The following DNAJC16 variants were observed in gnomAD, a reference collection of about 807,000 sequenced individuals.
DNAJC16 encodes dnaJ homolog subfamily C member 16.
DNAJC16 carries 76 observed loss-of-function variants against 92.7 expected under a neutral mutation model. The observed-to-expected ratio is 0.82, with a 90% CI of 0.68 to 0.99. The LOEUF is 0.99. Ranked by LOEUF, DNAJC16 falls within the 50% of genes least tolerant of loss-of-function variation. The probability of loss-of-function intolerance (pLI) is 0.00; values close to 1 mark genes in which losing one functional copy is unlikely to be tolerated. For missense variants in DNAJC16, 869 were observed against 942.4 expected, an observed-to-expected ratio of 0.92 and a Z score of 1.02; for synonymous variants, 328 against 358.7, an observed-to-expected ratio of 0.91 and a Z score of 0.97.
intron 2 of DNAJC16, 53 bp downstream of exon 2, chr1:15,529,325 G>T: frequency 6.6e-7 from 1 of 1,509,548 alleles, no homozygotes; most frequent in Non-Finnish European, 9.0e-7. Flanking sequence ...GTCTTAGCAG[G>T]GATGAAGTCT....
In DNAJC16 at chr1:15,536,769, A is replaced by G. The variant is rs1229346484; in HGVS notation, c.529A>G (p.Ile177Val). The G allele has an allele frequency of 6.2e-7, 1 of 1,612,654 alleles. No homozygotes were observed. Among genetic ancestry groups the G allele is most frequent in the Non-Finnish European group, 8.5e-7 (1 of 1,179,562 alleles). ...TSDWCFSCIH[I>V]EPVWKEVIQE... ...CGATTGGTGCTTTAGCTGCATTCAT[A>G]TCGAGCCTGTGTGGAAAGAAGTCAT... The change falls in exon 4 of 15, where the codon ATC becomes GTC. Residue 177 changes from isoleucine to valine, a missense_variant. Ile to Val is a conservative substitution (Grantham distance 29). Coordinates refer to ENST00000375847, the MANE Select transcript of DNAJC16 (RefSeq NM_015291.4).
chr1:15,545,999 T>A (rs1015231231), intron 5 of DNAJC16, among the ~76,000 whole-genome samples: 13 of 152,178 alleles, frequency 8.5e-5, no homozygotes, highest in Admixed American at 2.6e-4. Flanking sequence ...TATTTTTATT[T>A]ACGCCGTTTA....
At chr1:15,538,841 CTG>C (rs1710857008) in intron 4 of DNAJC16, among the ~76,000 whole-genome samples, 2 of 152,180 alleles carry the variant, frequency 1.3e-5, no homozygotes, top group Non-Finnish European at 2.9e-5. Context: ...TGCTTTAGCT[CTG>C]TGTTCTTGAT....
chr1:15,543,023 A>G (rs987412846), intron 4 of DNAJC16, among the ~76,000 whole-genome samples: 6 of 152,248 alleles, frequency 3.9e-5, no homozygotes, highest in Non-Finnish European at 5.9e-5. Context: ...GTGCAACAAT[A>G]AATGAATTAA....
chr1:15,534,400 C>T (rs1416250393), intron 3 of DNAJC16, 97 bp downstream of exon 3: 6 of 1,248,346 alleles, frequency 4.8e-6, no homozygotes, highest in Non-Finnish European at 6.9e-6. Context: ...GTCATGTTCC[C>T]CATGCCCTTG....
intron 6 of DNAJC16, 22 bp from the exon 7 acceptor site, chr1:15,548,248 C>T (rs191405613): frequency 6.2e-7 from 1 of 1,604,702 alleles, no homozygotes; most frequent in East Asian, 2.2e-5. Context: ...TTATTTTCTT[C>T]CTCTCTATTA....
At chr1:15,561,922 TAAAG>T (rs1638701179) in intron 8 of DNAJC16, among the ~76,000 whole-genome samples, 1 of 152,114 alleles carries the variant, frequency 6.6e-6, no homozygotes, top group Non-Finnish European at 1.5e-5. Context: ...GTAAATGTGG[TAAAG>T]AAGTTTGGTT....
At chr1:15,541,980 C>T (rs1710941381) in intron 4 of DNAJC16, among the ~76,000 whole-genome samples, 1 of 152,124 alleles carries the variant, frequency 6.6e-6, no homozygotes, top group Admixed American at 6.5e-5. Context: ...ATGGGAGCAT[C>T]TTTTGTTCTA....
rs1638924374 is a variant in DNAJC16 at position 15,570,539 on chromosome 1, C to T, written c.*2362C>T. 1 of 152,090 alleles carries T rather than the reference C, an allele frequency of 6.6e-6. No homozygotes were observed. The highest frequency in any genetic ancestry group is 1.5e-5 in the Non-Finnish European group (1 of 68,028). 9.4% of individuals were successfully genotyped at this position (152,090 alleles called of 1,614,324 possible). ...TCATTTTTAAACATTTTTATCTCTT[C>T]AAGTCATCTTTTGATCTTTTAAAAA... On this transcript the variant is annotated 3_prime_UTR_variant, in exon 15 of 15. Coordinates refer to ENST00000375847, the MANE Select transcript of DNAJC16 (RefSeq NM_015291.4).
chr1:15,540,558 C>G (rs1178450356), intron 4 of DNAJC16, among the ~76,000 whole-genome samples: 2 of 152,096 alleles, frequency 1.3e-5, no homozygotes, highest in African/African-American at 4.8e-5. Context: ...CCTGGGACTT[C>G]ACCTCTCCAT....
Position 15,568,008 on chromosome 1 carries a change from G to T in DNAJC16, c.2180G>T (p.Ser727Ile). 1 of 1,614,254 alleles carries T rather than the reference G, an allele frequency of 6.2e-7. No homozygotes were observed. The highest frequency in any genetic ancestry group is 1.7e-5 in the Admixed American group (1 of 60,028). The change falls in exon 15 of 15, where the codon AGT becomes ATT. Residue 727 changes from serine (S) to isoleucine (I), a missense_variant. Transcript: ENST00000375847. ...GAGGAGGAAGCCATAGGGTCGTGCAGTGATGTTGACTCTTCCCTCTACCTG... is the reference window on the plus strand; with the variant it reads ...GAGGAGGAAGCCATAGGGTCGTGCATTGATGTTGACTCTTCCCTCTACCTG... ...VEEEEAIGSC[S>I]DVDSSLYLGE...
chr1:15,568,115 G>A lies in DNAJC16; in HGVS notation c.2287G>A (p.Glu763Lys), dbSNP rs1638862118. ...GTTGAGCAAGCTCTCTTTATGGATGGAACGCCTGCTGGAGGGCTCCTTACA... is the reference window on the plus strand; with the variant it reads ...GTTGAGCAAGCTCTCTTTATGGATGAAACGCCTGCTGGAGGGCTCCTTACA... ...GKLSKLSLWM[E>K]RLLEGSLQRF... The change falls in exon 15 of 15, where the codon GAA (glutamate) becomes AAA (lysine). Residue 763 changes from glutamate (E) to lysine (K), a missense_variant. Transcript: ENST00000375847. 6.2e-7 allele frequency: 1 copy of A among 1,614,030 alleles called. No individual in the cohort carries two copies. The highest frequency in any genetic ancestry group is 8.5e-7 in the Non-Finnish European group (1 of 1,180,032).
intron 7 of DNAJC16, among the ~76,000 whole-genome samples, chr1:15,557,607 A>G (rs567069335): frequency 1.3e-5 from 2 of 151,490 alleles, no homozygotes; most frequent in Non-Finnish European, 2.9e-5. Flanking sequence ...CTTTTCTATT[A>G]TGTTAATTGT....
Position 15,529,068 on chromosome 1 carries a change from T to A in DNAJC16, c.-18-20T>A. The A allele has an allele frequency of 6.2e-7, 1 of 1,606,638 alleles. No homozygotes were observed. The highest frequency in any genetic ancestry group is 8.5e-7 in the Non-Finnish European group (1 of 1,175,364). On this transcript the variant is annotated intron_variant, in intron 1 of 14. Coordinates refer to ENST00000375847, the MANE Select transcript of DNAJC16 (RefSeq NM_015291.4). ...CCAGGTTTCTGCCACTGAAACTCAT[T>A]GCCTCTTCAATCATTTCAGCTCTGG...
chr1:15,569,472 T>C lies in DNAJC16; in HGVS notation c.*1295T>C, dbSNP rs1161561634. On this transcript the variant is annotated 3_prime_UTR_variant, in exon 15 of 15. Coordinates refer to ENST00000375847, the MANE Select transcript of DNAJC16 (RefSeq NM_015291.4). ...CCCAGGGTGCCTCATACCAGCCAGT[T>C]AGAGAGCATACCTTTTATTTTTCAG... 6.6e-6 allele frequency: 1 copy of C among 152,150 alleles called. No individual in the cohort carries two copies. Among genetic ancestry groups the C allele is most frequent in the Non-Finnish European group, 1.5e-5 (1 of 68,022 alleles). The allele number at this position is 152,150 out of a possible 1,614,324, so 9.4% of individuals were successfully genotyped here. A position where few individuals can be genotyped will look rare whatever the true frequency, so the allele number is the denominator to read the frequency against.
chr1:15,558,193 T>C (rs111235174), intron 7 of DNAJC16, among the ~76,000 whole-genome samples: 845 of 112,560 alleles, frequency 7.5e-3, no homozygotes, highest in South Asian at 0.016. Context: ...TTTTTTTTTT[T>C]TTCTTGAGAC....
Position 15,559,670 on chromosome 1 carries a change from G to A in DNAJC16, c.1154+14G>A. The A allele has an allele frequency of 6.2e-7, 1 of 1,612,208 alleles. No homozygotes were observed. The highest frequency in any genetic ancestry group is 8.5e-7 in the Non-Finnish European group (1 of 1,178,992). On this transcript the variant is annotated intron_variant, in intron 8 of 14. Transcript: ENST00000375847. ...TCGACAGAGGAAGTAAGGACTTAAG[G>A]CTTTGCCTCTGCTTGTTATTACAAT...
At chr1:15,535,881 C>T (rs1259449150) in intron 3 of DNAJC16, among the ~76,000 whole-genome samples, 14 of 151,682 alleles carry the variant, frequency 9.2e-5, no homozygotes, top group Admixed American at 9.2e-4. Flanking sequence ...CCACTCACCT[C>T]ACCCTCCCAA....
intron 4 of DNAJC16, among the ~76,000 whole-genome samples, chr1:15,539,061 T>G (rs1345492966): frequency 6.6e-6 from 1 of 152,182 alleles, no homozygotes; most frequent in African/African-American, 2.4e-5. Context: ...GATTGCTTAG[T>G]GAGAGCTGTT....
Sources: gnomAD v4.1 joint callset for allele counts (sites outside exome capture counted in the v4.1 genomes callset) on GRCh38, gnomAD v4.1.1 for gene constraint, MANE v1.5 for transcripts, NCBI Gene and HGNC (gene_info 2026-07-23, HGNC 2026-07-21) for gene names.